Variants in SUGCT observed in about 807,000 individuals in gnomAD.
SUGCT encodes the protein succinyl-CoA:glutarate-CoA transferase, also known as succinyl-CoA:glutarate CoA-transferase.
A neutral mutation model predicts 55.0 loss-of-function variants in SUGCT; 41 were observed. That is an observed-to-expected ratio of 0.74 (90% confidence interval 0.58 to 0.97). The LOEUF is 0.97. SUGCT is among the 50% of genes least tolerant of loss of function. The pLI is 0.00. For missense variants in SUGCT, 568 were observed against 547.8 expected (o/e 1.04, Z -0.37); for synonymous variants, 187 against 200.4 (o/e 0.93, Z 0.56).
intron 9 of SUGCT, among the ~76,000 whole-genome samples, chr7:40,408,393 T>C (rs1429101258): frequency 6.6e-6 from 1 of 152,076 alleles, no homozygotes; most frequent in Non-Finnish European, 1.5e-5. Context: ...ATTATTTTTA[T>C]CCCATCCTAG....
chr7:40,344,002 C>T (rs1797187413), intron 9 of SUGCT, among the ~76,000 whole-genome samples: 1 of 152,166 alleles, frequency 6.6e-6, no homozygotes, highest in African/African-American at 2.4e-5. Flanking sequence ...AAACCTTAGA[C>T]CTGTTCCCAG....
At chr7:40,576,218 G>A (rs1307939144) in intron 12 of SUGCT, among the ~76,000 whole-genome samples, 1 of 152,182 alleles carries the variant, frequency 6.6e-6, no homozygotes, top group Non-Finnish European at 1.5e-5. Context: ...AATTAAAAGT[G>A]ATGAGAAGTG....
At chr7:40,911,492 C>T in the SUGCT span, among the ~76,000 whole-genome samples, 7 of 150,350 alleles carry the variant, frequency 4.7e-5, no homozygotes, top group South Asian at 4.2e-4. Context: ...CAACTGAGCC[C>T]GGGAGGTCAA....
intron 9 of SUGCT, among the ~76,000 whole-genome samples, chr7:40,324,703 C>CA (rs1795943838): frequency 6.6e-6 from 1 of 152,182 alleles, no homozygotes; most frequent in Non-Finnish European, 1.5e-5. Context: ...AAGCCCTCTA[C>CA]TGTCTATTCT....
chr7:40,821,828 T>C (rs1489526414), intron 13 of SUGCT, among the ~76,000 whole-genome samples: 2 of 152,322 alleles, frequency 1.3e-5, no homozygotes, highest in African/African-American at 4.8e-5. Context: ...TGTTTGCTCT[T>C]GCTTCTCTAG....
At chr7:40,385,024 A>G (rs1785046618) in intron 9 of SUGCT, among the ~76,000 whole-genome samples, 1 of 152,186 alleles carries the variant, frequency 6.6e-6, no homozygotes, top group African/African-American at 2.4e-5. Context: ...ATAAAATGTG[A>G]TTAGTATTAA....
Position 40,245,957 on chromosome 7 carries a change from C to T in SUGCT, c.576+8231C>T, listed in dbSNP as rs1789845887. Among the ~76,000 whole-genome samples, 6 of 152,020 alleles carry T rather than the reference C, an allele frequency of 3.9e-5. No individual in the cohort carries two copies. In the South Asian group the frequency reaches 1.2e-3, roughly 32 times the overall value. ...TGAATCGATCCTCCCATGTCAGCCTCCTGAATAGCTGGAACTACAAGCACA... is the reference window on the plus strand; with the variant it reads ...TGAATCGATCCTCCCATGTCAGCCTTCTGAATAGCTGGAACTACAAGCACA... On this transcript the variant is annotated intron_variant, in intron 7 of 13. Coordinates refer to ENST00000335693, the MANE Select transcript of SUGCT (RefSeq NM_001193313.2).
intron 12 of SUGCT, among the ~76,000 whole-genome samples, chr7:40,544,888 A>G (rs889086143): frequency 6.6e-6 from 1 of 152,206 alleles, no homozygotes; most frequent in South Asian, 2.1e-4. Flanking sequence ...TCTATTTCCC[A>G]TTTGAGAAGG....
chr7:40,164,738 A>G (rs1784342965), intron 1 of SUGCT, among the ~76,000 whole-genome samples: 1 of 152,228 alleles, frequency 6.6e-6, no homozygotes, highest in South Asian at 2.1e-4. Flanking sequence ...GATGATGATG[A>G]GACAATAATT....
At chr7:40,694,717 C>T (rs1050962764) in intron 12 of SUGCT, among the ~76,000 whole-genome samples, 4 of 152,128 alleles carry the variant, frequency 2.6e-5, no homozygotes, top group African/African-American at 9.7e-5. Flanking sequence ...GTCCTCTTTT[C>T]AACAGTTTGT....
chr7:40,888,940 C>T, the SUGCT span, among the ~76,000 whole-genome samples: 1 of 152,254 alleles, frequency 6.6e-6, no homozygotes, highest in South Asian at 2.1e-4. Flanking sequence ...CTGCTGCTCT[C>T]CTCCCTTAGC....
intron 13 of SUGCT, among the ~76,000 whole-genome samples, chr7:40,812,708 G>A (rs1791486254): frequency 6.6e-6 from 1 of 151,752 alleles, no homozygotes; most frequent in African/African-American, 2.4e-5. Flanking sequence ...TGGATTTTGG[G>A]GTCTCAGTTT....
intron 12 of SUGCT, among the ~76,000 whole-genome samples, chr7:40,659,953 G>A (rs1440687021): frequency 6.6e-6 from 1 of 152,168 alleles, no homozygotes; most frequent in Non-Finnish European, 1.5e-5. Flanking sequence ...GTGGAGTTAT[G>A]GTTGGTGTGT....
At chr7:40,990,139 A>G in the SUGCT span, among the ~76,000 whole-genome samples, 1 of 152,224 alleles carries the variant, frequency 6.6e-6, no homozygotes, top group East Asian at 1.9e-4. Context: ...TCATCTTCTT[A>G]AATAACAAGA....
At chr7:40,946,914 A>G in the SUGCT span, among the ~76,000 whole-genome samples, 1 of 152,286 alleles carries the variant, frequency 6.6e-6, no homozygotes, top group African/African-American at 2.4e-5. Flanking sequence ...ATCCTTTGAC[A>G]GCTTGATTGT....
chr7:40,198,371 C>G (rs1180198356), intron 6 of SUGCT, among the ~76,000 whole-genome samples: 2 of 152,182 alleles, frequency 1.3e-5, no homozygotes, highest in Non-Finnish European at 2.9e-5. Flanking sequence ...TTAGGTGACA[C>G]TGAACAGTGC....
the SUGCT span, among the ~76,000 whole-genome samples, chr7:40,889,872 C>T: frequency 6.6e-6 from 1 of 152,106 alleles, no homozygotes. Context: ...ATAAAATAGT[C>T]CCACAACTCA....
chr7:41,010,255 C>T, the SUGCT span, among the ~76,000 whole-genome samples: 1 of 152,204 alleles, frequency 6.6e-6, no homozygotes, highest in African/African-American at 2.4e-5. Context: ...TAGATACCAA[C>T]ACGTAGGAAC....
At chr7:40,890,255 A>G in the SUGCT span, among the ~76,000 whole-genome samples, 2 of 143,984 alleles carry the variant, frequency 1.4e-5, no homozygotes, top group East Asian at 3.9e-4. Context: ...TATATTATAT[A>G]TTTATATTAT....
Sources: allele counts gnomAD v4.1 joint callset (sites outside exome capture counted in the v4.1 genomes callset), GRCh38; gene constraint gnomAD v4.1.1; transcripts MANE v1.5; gene names NCBI Gene and HGNC (gene_info 2026-07-23, HGNC 2026-07-21).